The following PROK2 variants were observed in gnomAD, a reference collection of about 807,000 sequenced individuals.
The protein encoded by PROK2 is prokineticin-2.
In PROK2, 8 loss-of-function variants were observed where a neutral mutation model predicts 14.2. That is an observed-to-expected ratio of 0.56 (90% CI 0.33 to 1.02). The LOEUF (loss-of-function observed/expected upper bound fraction) is 1.02. Among genes scored for constraint, PROK2 ranks in the 50% least tolerant of loss-of-function variants. The probability of loss-of-function intolerance (pLI) is 0.03; values close to 1 mark genes in which losing one functional copy is unlikely to be tolerated. For synonymous variants in PROK2, 59 were observed against 60.7 expected (o/e 0.97, Z 0.13); for missense variants, 154 against 160.4 (o/e 0.96, Z 0.22).
chr3:71,776,364 A>ATTTTTTTTTTTTTTTTTTT lies in PROK2; in HGVS notation c.223-1876_223-1858dup, dbSNP rs58407323. On this transcript the variant is annotated intron_variant, in intron 2 of 3. Coordinates refer to ENST00000295619, the MANE Select transcript of PROK2 (RefSeq NM_001126128.2). ...TTTTCTTTTTTTCTTTTCGCTTTTCATTTTTTTTTTTTTTTTTTTTTTTTT... is the reference window on the plus strand; with the variant it reads ...TTTTCTTTTTTTCTTTTCGCTTTTCATTTTTTTTTTTTTTTTTTTTTTTTTTTTTTTTTTTTTTTTTTTT... Among the ~76,000 whole-genome samples, 10 of 75,436 alleles carry ATTTTTTTTTTTTTTTTTTT rather than the reference A, an allele frequency of 1.3e-4. 1 individual carries two copies. The highest frequency in any genetic ancestry group is 5.1e-4 in the African/African-American group (10 of 19,632). The allele number at this position is 75,436 out of a possible 152,430, so 49.5% of individuals were successfully genotyped here.
chr3:71,773,469 T>C (rs913465366), intron 3 of PROK2, among the ~76,000 whole-genome samples: 2 of 152,202 alleles, frequency 1.3e-5, no homozygotes, highest in African/African-American at 4.8e-5. Flanking sequence ...ACCAAGCTTT[T>C]AGTCCTCAAG....
intron 1 of PROK2, among the ~76,000 whole-genome samples, chr3:71,783,084 T>C (rs950025017): frequency 6.6e-6 from 1 of 152,298 alleles, no homozygotes; most frequent in East Asian, 1.9e-4. Flanking sequence ...CTACATACAC[T>C]ACCCAAAAAA....
intron 3 of PROK2, among the ~76,000 whole-genome samples, chr3:71,773,596 T>C (rs2050097020): frequency 6.6e-6 from 1 of 152,218 alleles, no homozygotes; most frequent in Non-Finnish European, 1.5e-5. Context: ...TCAGCAAATA[T>C]AAACTCACCA....
chr3:71,784,805 C>T, intron 1 of PROK2, 152 bp downstream of exon 1: 1 of 576,806 alleles, frequency 1.7e-6, no homozygotes, highest in Non-Finnish European at 2.6e-6. Context: ...GGGTATTTTC[C>T]CAAGTGCACC....
chr3:71,775,692 G>C (rs1259527424), intron 2 of PROK2, among the ~76,000 whole-genome samples: 1 of 152,182 alleles, frequency 6.6e-6, no homozygotes, highest in African/African-American at 2.4e-5. Flanking sequence ...GGAGGGGAAA[G>C]TGCTCATAGT....
At chr3:71,778,583 A>C (rs979945431) in intron 2 of PROK2, among the ~76,000 whole-genome samples, 1 of 152,202 alleles carries the variant, frequency 6.6e-6, no homozygotes, top group South Asian at 2.1e-4. Context: ...AATGAAAAAA[A>C]AAATTCTATA....
intron 1 of PROK2, among the ~76,000 whole-genome samples, chr3:71,783,024 A>C (rs2050171570): frequency 6.6e-6 from 1 of 152,220 alleles, no homozygotes; most frequent in African/African-American, 2.4e-5. Flanking sequence ...GATCTTTTAC[A>C]ATATAGTTTT....
chr3:71,772,640 G>T lies in PROK2; in HGVS notation c.*84C>A. 1 of 1,174,940 alleles carries T rather than the reference G, an allele frequency of 8.5e-7. No individual in the cohort carries two copies. The highest frequency in any genetic ancestry group is 1.3e-6 in the Non-Finnish European group (1 of 784,210). The allele number at this position is 1,174,940 out of a possible 1,614,324, so 72.8% of individuals were successfully genotyped here. On this transcript the variant is annotated 3_prime_UTR_variant, in exon 4 of 4. Transcript: ENST00000295619. Reference sequence around the variant, plus strand: ...GAGGAAGCAAGAGCATTTCTTTCTGGCACATTTTTTGTTTGGCACAATCAC... The same window carrying T: ...GAGGAAGCAAGAGCATTTCTTTCTGTCACATTTTTTGTTTGGCACAATCAC...
Position 71,785,057 on chromosome 3 carries a change from C to T in PROK2, c.-5G>A, listed in dbSNP as rs371540146. 254 of 1,237,314 alleles carry T rather than the reference C, an allele frequency of 2.1e-4. No individual in the cohort carries two copies. The African/African-American group carries it at 3.7e-3, about 18-fold the overall frequency. The allele number at this position is 1,237,314 out of a possible 1,614,324, so 76.6% of individuals were successfully genotyped here. On this transcript the variant is annotated 5_prime_UTR_variant, in exon 1 of 4. Transcript: ENST00000295619. ...GGCGCAGCACAGGCTCCTCATGGCG[C>T]CCTCGGGACTGGGCGGCCGCCGGAG...
chr3:71,779,643 AC>A, intron 2 of PROK2, among the ~76,000 whole-genome samples: 1 of 152,306 alleles, frequency 6.6e-6, no homozygotes, highest in East Asian at 1.9e-4. Flanking sequence ...TTGCTCTGTC[AC>A]CCAGGCTGGA....
chr3:71,773,799 C>G (rs1352363906), intron 3 of PROK2, among the ~76,000 whole-genome samples: 1 of 152,172 alleles, frequency 6.6e-6, no homozygotes, highest in Non-Finnish European at 1.5e-5. Context: ...ATTTCACCAG[C>G]CAAGCTGGGT....
rs548281953 is a variant in PROK2, at chr3:71,772,241, G to A, written c.*483C>T. The A allele has an allele frequency of 6.2e-6, 1 of 160,258 alleles. No homozygotes were observed. The highest frequency in any genetic ancestry group is 2.4e-5 in the African/African-American group (1 of 41,448). 9.9% of individuals were successfully genotyped at this position (160,258 alleles called of 1,614,324 possible). ...AAACCCTCCACTTTAAAATGCAAGAGGAGGGAAGAGAAATGGACAAAAATA... is the reference window on the plus strand; with the variant it reads ...AAACCCTCCACTTTAAAATGCAAGAAGAGGGAAGAGAAATGGACAAAAATA... On this transcript the variant is annotated 3_prime_UTR_variant, in exon 4 of 4. Coordinates refer to ENST00000295619, the MANE Select transcript of PROK2 (RefSeq NM_001126128.2).
At chr3:71,781,746 TA>T (rs1421743576) in intron 1 of PROK2, among the ~76,000 whole-genome samples, 154 bp from the exon 2 acceptor site, 2 of 152,250 alleles carry the variant, frequency 1.3e-5, no homozygotes, top group African/African-American at 4.8e-5. Flanking sequence ...CATTTACTTG[TA>T]TATAGCTATT....
At chr3:71,778,030 C>T (rs965384425) in intron 2 of PROK2, among the ~76,000 whole-genome samples, 5 of 151,814 alleles carry the variant, frequency 3.3e-5, no homozygotes, top group Admixed American at 6.6e-5. Flanking sequence ...CCCGTCTCTA[C>T]GAAAAATACC....
intron 2 of PROK2, among the ~76,000 whole-genome samples, chr3:71,779,528 C>A (rs1464341851): frequency 6.6e-6 from 1 of 152,178 alleles, no homozygotes; most frequent in Non-Finnish European, 1.5e-5. Flanking sequence ...TGTCACTTTT[C>A]CCTTGTTTCA....
At chr3:71,781,279 AAGAC>A (rs1208611541) in intron 2 of PROK2, among the ~76,000 whole-genome samples, 184 bp downstream of exon 2, 2 of 152,218 alleles carry the variant, frequency 1.3e-5, no homozygotes, top group African/African-American at 4.8e-5. Context: ...TGGAATAAGA[AAGAC>A]AGAGGATACA....
chr3:71,772,483 C>A lies in PROK2; in HGVS notation c.*241G>T. 1 of 435,214 alleles carries A rather than the reference C, an allele frequency of 2.3e-6. No individual in the cohort carries two copies. Among genetic ancestry groups the A allele is most frequent in the Non-Finnish European group, 4.1e-6 (1 of 246,104 alleles). 27.0% of individuals were successfully genotyped at this position (435,214 alleles called of 1,614,324 possible). The stretch of plus-strand genomic sequence containing the variant: ...AAAAAAGCCAAATCAAACCAAAACA[C>A]AAACAGGGAAATAAGAACCAGTTCC... On this transcript the variant is annotated 3_prime_UTR_variant, in exon 4 of 4. Coordinates refer to ENST00000295619, the MANE Select transcript of PROK2 (RefSeq NM_001126128.2).
At chr3:71,782,021 T>TA (rs1305068413) in intron 1 of PROK2, among the ~76,000 whole-genome samples, 2 of 152,146 alleles carry the variant, frequency 1.3e-5, no homozygotes, top group South Asian at 2.1e-4. Context: ...GGGGCCAATT[T>TA]AAAAAAAGAG....
chr3:71,777,977 C>T (rs1385868113), intron 2 of PROK2, among the ~76,000 whole-genome samples: 1 of 151,734 alleles, frequency 6.6e-6, no homozygotes, highest in Non-Finnish European at 1.5e-5. Flanking sequence ...AGGCAGATCA[C>T]GAGGTCAGGA....
Sources: allele counts gnomAD v4.1 joint callset (sites outside exome capture counted in the v4.1 genomes callset), GRCh38; gene constraint gnomAD v4.1.1; transcripts MANE v1.5; gene names NCBI Gene and HGNC (gene_info 2026-07-23, HGNC 2026-07-21).